HUS1: variants seen among roughly 807,000 people sequenced by gnomAD.
HUS1 encodes HUS1 checkpoint clamp component, also known as checkpoint protein HUS1.
Under a neutral mutation model 32.6 loss-of-function variants are expected in HUS1, and 31 were observed. That is an observed-to-expected ratio of 0.95 (90% CI 0.72 to 1.28). HUS1 has a LOEUF of 1.28. Among genes scored for constraint, HUS1 ranks in the 50% most tolerant of loss-of-function variants. The pLI, the probability that HUS1 is intolerant of heterozygous loss-of-function variation, is 0.00. For missense variants in HUS1, 340 were observed against 337.7 expected (o/e 1.01, Z -0.05); for synonymous variants, 123 against 116.6 (o/e 1.06, Z -0.36).
chr7:47,966,191 G>T (rs1309307496), intron 7 of HUS1, among the ~76,000 whole-genome samples: 2 of 152,158 alleles, frequency 1.3e-5, no homozygotes, highest in Non-Finnish European at 2.9e-5. Flanking sequence ...CAGAGACTGA[G>T]GGTGGCAGGA....
rs545833663 is a variant in HUS1 at position 47,963,432 on chromosome 7, C to A, written c.*1924G>T. 1 of 152,314 alleles carries A rather than the reference C, an allele frequency of 6.6e-6. No homozygotes were observed. Among genetic ancestry groups the A allele is most frequent in the South Asian group, 2.1e-4 (1 of 4,830 alleles). The allele number at this position is 152,314 out of a possible 1,614,324, so 9.4% of individuals were successfully genotyped here. ...TAAGTCACTAACACATTCTCTTTAA[C>A]AGCAATTTCAGTTTTATAAAACTAC... On this transcript the variant is annotated 3_prime_UTR_variant, in exon 8 of 8. Coordinates refer to ENST00000258774, the MANE Select transcript of HUS1 (RefSeq NM_004507.4).
chr7:47,970,021 CAGG>C (rs762229055), intron 5 of HUS1, among the ~76,000 whole-genome samples: 5 of 151,918 alleles, frequency 3.3e-5, no homozygotes, highest in Admixed American at 1.3e-4. Flanking sequence ...ATCACGAGGT[CAGG>C]AGATCAAGAC....
In HUS1 at chr7:47,967,791, G is replaced by A. The variant is rs1201364981; in HGVS notation, c.760+15C>T. On this transcript the variant is annotated intron_variant, in intron 7 of 7. Transcript: ENST00000258774. ...ATGAAAGAATATGAAAAACAAAACA[G>A]AGAAGCACACTCACTGCATAAGGCC... 3 of 1,604,018 alleles carry A rather than the reference G, an allele frequency of 1.9e-6. No individual in the cohort carries two copies. The highest frequency in any genetic ancestry group is 2.2e-5 in the South Asian group (2 of 89,350).
chr7:47,979,414 C>T (rs1788778892), intron 1 of HUS1, 54 bp downstream of exon 1: 1 of 1,608,092 alleles, frequency 6.2e-7, no homozygotes, highest in Non-Finnish European at 8.5e-7. Flanking sequence ...CCCCACCGCG[C>T]GCTCACTGCT....
chr7:47,968,986 A>G, intron 6 of HUS1: 1 of 432,084 alleles, frequency 2.3e-6, no homozygotes, highest in Non-Finnish European at 4.1e-6. Flanking sequence ...CAGAGGATGG[A>G]GACCCTGCAC....
Position 47,976,824 on chromosome 7 carries a change from C to T in HUS1, c.371G>A (p.Ser124Asn), listed in dbSNP as rs1272603961. 6.2e-7 allele frequency: 1 copy of T among 1,607,270 alleles called. No individual in the cohort carries two copies. Among genetic ancestry groups the T allele is most frequent in the Non-Finnish European group, 8.5e-7 (1 of 1,174,270 alleles). ...GTCATGGGTCACAATGCGGCTACTG[C>T]TTGACATAGATAACTGCCAAGAAAA... is the stretch of plus-strand genomic sequence containing the variant. Reference protein sequence around the residue: ...TVSVELLSMSSSSRIVTHDIP... With the variant: ...TVSVELLSMSNSSRIVTHDIP... Residue 124 changes from serine to asparagine, a missense_variant, in exon 4 of 8, where the codon AGC (serine) becomes AAC (asparagine). Coordinates refer to ENST00000258774, the MANE Select transcript of HUS1 (RefSeq NM_004507.4).
In HUS1 at chr7:47,969,206, C is replaced by G; in HGVS notation, c.640+13G>C. 7.4e-7 allele frequency: 1 copy of G among 1,350,288 alleles called. No homozygotes were observed. The highest frequency in any genetic ancestry group is 1.0e-6 in the Non-Finnish European group (1 of 954,036). The allele number at this position is 1,350,288 out of a possible 1,614,324, so 83.6% of individuals were successfully genotyped here. A position where few individuals can be genotyped will look rare whatever the true frequency, so the allele number is the denominator to read the frequency against. On this transcript the variant is annotated intron_variant, in intron 6 of 7. Coordinates refer to ENST00000258774, the MANE Select transcript of HUS1 (RefSeq NM_004507.4). ...CTTATCCAAAGCAAAATATAACCCACTAGAAAACTTACCTAATGGAGGATT... is the reference window on the plus strand; with the variant it reads ...CTTATCCAAAGCAAAATATAACCCAGTAGAAAACTTACCTAATGGAGGATT...
At chr7:47,967,988 C>T (rs1788517148) in intron 6 of HUS1, 63 bp from the exon 7 acceptor site, 7 of 1,532,180 alleles carry the variant, frequency 4.6e-6, no homozygotes, top group Non-Finnish European at 6.2e-6. Flanking sequence ...CCTGGAGATA[C>T]TCAATGCATT....
intron 3 of HUS1, 44 bp downstream of exon 3, chr7:47,978,373 G>C (rs375517240): frequency 1.3e-6 from 2 of 1,547,708 alleles, no homozygotes; most frequent in South Asian, 1.1e-5. Flanking sequence ...CTATTCCTTC[G>C]AGGCCAAGAC....
Position 47,963,892 on chromosome 7 carries a change from TGAGACTCC to T in HUS1, c.*1456_*1463del, listed in dbSNP as rs1254293419. On this transcript the variant is annotated 3_prime_UTR_variant, in exon 8 of 8. Coordinates refer to ENST00000258774, the MANE Select transcript of HUS1 (RefSeq NM_004507.4). ...CTAGCACTCCAGACTGGCGACAGAGTGAGACTCCGTCTCAAAAAAAAAAACCAAAAAAC... is the reference window on the plus strand; with the variant it reads ...CTAGCACTCCAGACTGGCGACAGAGTGTCTCAAAAAAAAAAACCAAAAAAC... 6.7e-6 allele frequency: 1 copy of T among 150,358 alleles called. No homozygotes were observed. The highest frequency in any genetic ancestry group is 1.5e-5 in the Non-Finnish European group (1 of 67,746). 9.3% of individuals were successfully genotyped at this position (150,358 alleles called of 1,614,324 possible).
At chr7:47,975,476 GCAC>G (rs1225152347) in intron 5 of HUS1, 134 bp downstream of exon 5, 8 of 661,810 alleles carry the variant, frequency 1.2e-5, no homozygotes, top group African/African-American at 9.3e-5. Flanking sequence ...CAGGTTCTCA[GCAC>G]CAGGCCAGGT....
At position 47,963,485 on chromosome 7, in the gene HUS1, T is replaced by C. The variant is rs1271710055; in HGVS notation, c.*1871A>G. 1 of 152,272 alleles carries C rather than the reference T, an allele frequency of 6.6e-6. No individual in the cohort carries two copies. Among genetic ancestry groups the C allele is most frequent in the Non-Finnish European group, 1.5e-5 (1 of 68,050 alleles). The allele number at this position is 152,272 out of a possible 1,614,324, so 9.4% of individuals were successfully genotyped here. ...TCAGATATTGTTTCATTTTGTATCATGATTTTTAAGTTTTCTCACTGCAGC... is the reference window on the plus strand; with the variant it reads ...TCAGATATTGTTTCATTTTGTATCACGATTTTTAAGTTTTCTCACTGCAGC... On this transcript the variant is annotated 3_prime_UTR_variant, in exon 8 of 8. Transcript: ENST00000258774.
chr7:47,965,400 G>T lies in HUS1; in HGVS notation c.799C>A (p.His267Asn), dbSNP rs754327169. 7 of 1,613,740 alleles carry T rather than the reference G, an allele frequency of 4.3e-6. No individual in the cohort carries two copies. In the South Asian group the frequency reaches 7.7e-5, roughly 18 times the overall value. Residue 267 changes from histidine (H) to asparagine (N), a missense_variant, in exon 8 of 8, where the codon CAT (histidine) becomes AAT (asparagine). By Grantham distance (68) the His-to-Asn change is moderately conservative. Transcript: ENST00000258774. Reference sequence around the variant, plus strand: ...AAATACTGAAGGGACACGTCTTCATGAAGCAGATCAAAATGCACCATCTTG... The same window carrying T: ...AAATACTGAAGGGACACGTCTTCATTAAGCAGATCAAAATGCACCATCTTG... Reference protein sequence around the residue: ...NNKMVHFDLLHEDVSLQYFIP... With the variant: ...NNKMVHFDLLNEDVSLQYFIP...
At chr7:47,975,791 A>G in intron 4 of HUS1, 104 bp from the exon 5 acceptor site, 1 of 616,448 alleles carries the variant, frequency 1.6e-6, no homozygotes, top group Non-Finnish European at 2.8e-6. Context: ...ATGCTCAAAA[A>G]CTATGGGATA....
chr7:47,978,255 A>G, intron 3 of HUS1, 162 bp downstream of exon 3: 1 of 580,182 alleles, frequency 1.7e-6, no homozygotes, highest in Non-Finnish European at 3.0e-6. Context: ...TAAAATGAGG[A>G]GGAACTGACT....
At chr7:47,970,465 T>G (rs1788576533) in intron 5 of HUS1, among the ~76,000 whole-genome samples, 1 of 138,932 alleles carries the variant, frequency 7.2e-6, no homozygotes, top group Non-Finnish European at 1.6e-5. Context: ...TAAGAGAAAC[T>G]GGGATGGAAA....
intron 5 of HUS1, among the ~76,000 whole-genome samples, 158 bp from the exon 6 acceptor site, chr7:47,969,476 G>A (rs1260926643): frequency 6.6e-6 from 1 of 152,204 alleles, no homozygotes; most frequent in Non-Finnish European, 1.5e-5. Context: ...GGGAAAGTGA[G>A]AAGATAAGGC....
rs1173757258 is a variant in HUS1, at chr7:47,963,963, C to G, written c.*1393G>C. Reference sequence around the variant, plus strand: ...ATTACTAAACATCAAAAGAATCATTCAAATACACTGGTTTTATCAAAAAAC... The same window carrying G: ...ATTACTAAACATCAAAAGAATCATTGAAATACACTGGTTTTATCAAAAAAC... On this transcript the variant is annotated 3_prime_UTR_variant, in exon 8 of 8. Coordinates refer to ENST00000258774, the MANE Select transcript of HUS1 (RefSeq NM_004507.4). The G allele has an allele frequency of 6.6e-6, 1 of 151,822 alleles. No individual in the cohort carries two copies. Among genetic ancestry groups the G allele is most frequent in the Non-Finnish European group, 1.5e-5 (1 of 67,948 alleles). 9.4% of individuals were successfully genotyped at this position (151,822 alleles called of 1,614,324 possible). A position where few individuals can be genotyped will look rare whatever the true frequency, so the allele number is the denominator to read the frequency against.
At chr7:47,978,344 A>C in intron 3 of HUS1, 73 bp downstream of exon 3, 1 of 1,303,414 alleles carries the variant, frequency 7.7e-7, no homozygotes, top group Non-Finnish European at 1.1e-6. Context: ...TATTGTTAAA[A>C]AGGCTAGGCT....
Sources: gnomAD v4.1 joint callset for allele counts (sites outside exome capture counted in the v4.1 genomes callset) on GRCh38, gnomAD v4.1.1 for gene constraint, MANE v1.5 for transcripts, NCBI Gene and HGNC (gene_info 2026-07-23, HGNC 2026-07-21) for gene names.